Variants in MTMR14 observed in about 807,000 individuals in gnomAD.
The protein encoded by MTMR14 is myotubularin related protein 14.
Under a neutral mutation model 86.3 loss-of-function variants are expected in MTMR14, and 48 were observed. The ratio of observed to expected loss-of-function variants is 0.56; its 90% CI spans 0.44 to 0.71. MTMR14 has a LOEUF of 0.71. Among genes scored for constraint, MTMR14 ranks in the 30% least tolerant of loss-of-function variants. The pLI is 0.00. For missense variants in MTMR14, 780 were observed against 834.6 expected, an observed-to-expected ratio of 0.93 and a Z score of 0.81; for synonymous variants, 366 against 326.1, an observed-to-expected ratio of 1.12 and a Z score of -1.32.
At chr3:9,682,930 A>T (rs2075814560) in intron 9 of MTMR14, among the ~76,000 whole-genome samples, 1 of 148,152 alleles carries the variant, frequency 6.7e-6, no homozygotes, top group African/African-American at 2.6e-5. Flanking sequence ...ACATTGGGTC[A>T]GAGCCCCCCC....
chr3:9,691,345 C>T (rs1487679833), intron 17 of MTMR14, among the ~76,000 whole-genome samples: 1 of 152,222 alleles, frequency 6.6e-6, no homozygotes, highest in African/African-American at 2.4e-5. Flanking sequence ...GGTGCCCCGT[C>T]CCATCCTGTG....
At position 9,683,189 on chromosome 3, in the gene MTMR14, G is replaced by T; in HGVS notation, c.909G>T (p.Leu303=). The change falls in exon 10 of 19, where the codon CTG becomes CTT. Residue 303 remains leucine, a synonymous_variant. Coordinates refer to ENST00000296003, the MANE Select transcript of MTMR14 (RefSeq NM_001077525.3). The part of the protein sequence containing the change: ...IDWSQYQCWD[L]VQQTQNYLKL... ...CTTTTCTCCAACAGTGTTGGGATCTGGTGCAACAAACACAAAACTACCTGA... is the reference window on the plus strand; with the variant it reads ...CTTTTCTCCAACAGTGTTGGGATCTTGTGCAACAAACACAAAACTACCTGA... 1 of 1,614,098 alleles carries T rather than the reference G, an allele frequency of 6.2e-7. No individual in the cohort carries two copies. The highest frequency in any genetic ancestry group is 8.5e-7 in the Non-Finnish European group (1 of 1,179,946).
At chr3:9,681,293 G>A (rs1013513100) in intron 9 of MTMR14, among the ~76,000 whole-genome samples, 8 of 152,108 alleles carry the variant, frequency 5.3e-5, no homozygotes, top group African/African-American at 1.9e-4. Flanking sequence ...TGTGTCCTAA[G>A]ACCCCTCCCT....
chr3:9,668,894 C>A, intron 4 of MTMR14, 100 bp downstream of exon 4: 1 of 1,228,264 alleles, frequency 8.1e-7, no homozygotes. Flanking sequence ...AATCTCAACA[C>A]TTTGGGAGGC....
chr3:9,689,912 G>T (rs1257286320), intron 16 of MTMR14, 52 bp from the exon 17 acceptor site: 2 of 1,555,772 alleles, frequency 1.3e-6, no homozygotes, highest in African/African-American at 2.7e-5. Context: ...GGTGGGCAGA[G>T]GGCTTTGCCT....
intron 2 of MTMR14, among the ~76,000 whole-genome samples, chr3:9,655,233 G>C (rs2047526590): frequency 6.6e-6 from 1 of 151,872 alleles, no homozygotes; most frequent in African/African-American, 2.4e-5. Flanking sequence ...TGGGCGTGGT[G>C]GTGGGCTCCT....
chr3:9,698,688 G>A (rs566592503), intron 18 of MTMR14, among the ~76,000 whole-genome samples: 1 of 152,288 alleles, frequency 6.6e-6, no homozygotes, highest in African/African-American at 2.4e-5. Context: ...GGGAAAGGGG[G>A]CCCTGGATCC....
intron 16 of MTMR14, 38 bp from the exon 17 acceptor site, chr3:9,689,926 G>A (rs771568922): frequency 3.8e-6 from 6 of 1,587,050 alleles, no homozygotes; most frequent in Non-Finnish European, 5.1e-6. Context: ...TTTGCCTGCA[G>A]TGGCCCCCGG....
chr3:9,678,132 A>G (rs1473965335), intron 9 of MTMR14, 74 bp downstream of exon 9: 1 of 1,488,128 alleles, frequency 6.7e-7, no homozygotes, highest in South Asian at 1.2e-5. Context: ...TGCCTGCCCC[A>G]CAAGGCCCTC....
chr3:9,679,449 C>T (rs1303394828), intron 9 of MTMR14, among the ~76,000 whole-genome samples: 1 of 152,226 alleles, frequency 6.6e-6, no homozygotes, highest in Non-Finnish European at 1.5e-5. Flanking sequence ...CCTTCCGGCA[C>T]CATTTTTTCT....
At chr3:9,673,065 T>G (rs1374366434) in intron 7 of MTMR14, among the ~76,000 whole-genome samples, 1 of 152,204 alleles carries the variant, frequency 6.6e-6, no homozygotes, top group African/African-American at 2.4e-5. Flanking sequence ...ACGATTTAGC[T>G]CAGTTTTGAT....
At chr3:9,664,149 A>G (rs1358180365) in intron 3 of MTMR14, among the ~76,000 whole-genome samples, 3 of 151,802 alleles carry the variant, frequency 2.0e-5, no homozygotes, top group Non-Finnish European at 4.4e-5. Flanking sequence ...TAGAGGTTGC[A>G]CGGGAGATAC....
chr3:9,698,121 G>C (rs1362956425), intron 18 of MTMR14, among the ~76,000 whole-genome samples: 1 of 152,268 alleles, frequency 6.6e-6, no homozygotes, highest in African/African-American at 2.4e-5. Context: ...AGGGAAAGCT[G>C]CTGGACTGTA....
chr3:9,669,403 C>T, intron 4 of MTMR14, 29 bp from the exon 5 acceptor site: 5 of 1,612,810 alleles, frequency 3.1e-6, no homozygotes, highest in African/African-American at 1.3e-5. Context: ...TCACCAGCCT[C>T]AGTACTGACA....
Position 9,677,232 on chromosome 3 carries a change from C to T in MTMR14, c.752-85C>T. The T allele has an allele frequency of 7.9e-7, 1 of 1,271,606 alleles. No individual in the cohort carries two copies. The highest frequency in any genetic ancestry group is 1.1e-6 in the Non-Finnish European group (1 of 873,656). The allele number at this position is 1,271,606 out of a possible 1,614,324, so 78.8% of individuals were successfully genotyped here. A position where few individuals can be genotyped will look rare whatever the true frequency, so the allele number is the denominator to read the frequency against. On this transcript the variant is annotated intron_variant, in intron 7 of 18. Coordinates refer to ENST00000296003, the MANE Select transcript of MTMR14 (RefSeq NM_001077525.3). This position sits in a 1 kb window ranked among gnomAD's most constrained non-coding sequence, Gnocchi z 4.2. ...AGTTGGCGGCCCCCTCTCCACAGCA[C>T]TCAGGGACCTGGGTCTGGCCAGGGC...
At chr3:9,661,938 T>C (rs1291261267) in intron 2 of MTMR14, among the ~76,000 whole-genome samples, 1 of 151,756 alleles carries the variant, frequency 6.6e-6, no homozygotes, top group Non-Finnish European at 1.5e-5. Context: ...AATAAAAAAA[T>C]TACCCAGGTG....
intron 3 of MTMR14, among the ~76,000 whole-genome samples, chr3:9,668,380 T>C (rs2048371594): frequency 6.6e-6 from 1 of 152,210 alleles, no homozygotes; most frequent in Non-Finnish European, 1.5e-5. Context: ...CTGCCACATA[T>C]CCCTCATGGG....
rs2076040962 is a variant in MTMR14 at position 9,688,684 on chromosome 3, T to G, written c.1236-12T>G. The stretch of plus-strand genomic sequence containing the variant: ...TAGATCTGGAATTTACTGCTCCGGC[T>G]TCCATTTCTAGGAGGAAGAGTTTGC... On this transcript the variant is annotated splice_polypyrimidine_tract_variant and intron_variant, in intron 14 of 18. Transcript: ENST00000296003. 6.2e-7 allele frequency: 1 copy of G among 1,614,126 alleles called. No homozygotes were observed. Among genetic ancestry groups the G allele is most frequent in the African/African-American group, 1.3e-5 (1 of 75,026 alleles).
chr3:9,670,219 G>T (rs9875497), intron 5 of MTMR14, among the ~76,000 whole-genome samples: 1 of 152,210 alleles, frequency 6.6e-6, no homozygotes, highest in Admixed American at 6.5e-5. Flanking sequence ...TCATAGTTCA[G>T]TTCATGAAAG....
Sources: gnomAD v4.1 joint callset for allele counts (sites outside exome capture counted in the v4.1 genomes callset) on GRCh38, gnomAD v4.1.1 for gene constraint, Gnocchi (gnomAD v3.1) non-coding constraint, MANE v1.5 for transcripts, NCBI Gene and HGNC (gene_info 2026-07-23, HGNC 2026-07-21) for gene names.